Variants in PROM1 observed in about 807,000 individuals in gnomAD.
PROM1 encodes prominin 1, also known as prominin-1.
PROM1 carries 105 observed loss-of-function variants against 116.9 expected under a neutral mutation model. The ratio of observed to expected loss-of-function variants is 0.90; its 90% CI spans 0.77 to 1.06. The LOEUF is 1.06. Ranked by LOEUF, PROM1 falls within the 50% of genes least tolerant of loss-of-function variation. PROM1 has a pLI of 0.00. For synonymous variants in PROM1, 393 were observed against 387.0 expected, an observed-to-expected ratio of 1.02 and a Z score of -0.18; for missense variants, 1,122 against 1,045.2, an observed-to-expected ratio of 1.07 and a Z score of -1.01.
rs555569856 is a variant in PROM1, at chr4:16,062,550, T to A, written c.220+13137A>T. Among the ~76,000 whole-genome samples, 5 of 152,312 alleles carry A rather than the reference T, an allele frequency of 3.3e-5. No individual in the cohort carries two copies. The South Asian group carries it at 1.0e-3, about 32-fold the overall frequency. On this transcript the variant is annotated intron_variant, in intron 2 of 27. Coordinates refer to ENST00000447510, the MANE Select transcript of PROM1 (RefSeq NM_006017.3). Reference sequence around the variant, plus strand: ...TCATTTGAATGAAATTACATGTGAGTAAATTTTAAAAGTCTGGGGAGACAA... The same window carrying A: ...TCATTTGAATGAAATTACATGTGAGAAAATTTTAAAAGTCTGGGGAGACAA...
intron 3 of PROM1, among the ~76,000 whole-genome samples, chr4:16,038,668 TG>T (rs557634926): frequency 6.8e-4 from 103 of 152,370 alleles, no homozygotes; most frequent in African/African-American, 2.2e-3. Context: ...ACCAAAGTGC[TG>T]GGATTACAGG....
intron 26 of PROM1, among the ~76,000 whole-genome samples, chr4:15,974,987 G>GTCATC (rs1715741875): frequency 1.3e-5 from 2 of 152,300 alleles, no homozygotes; most frequent in African/African-American, 2.4e-5. Context: ...CCCAGTTGGT[G>GTCATC]TCATCAATGG....
Position 16,034,322 on chromosome 4 carries a change from C to T in PROM1, c.304-813G>A, listed in dbSNP as rs190450601. ...GTCACAAGGTTCCTCCTCTGATACA[C>T]TGGAAATAATAATACGTACCTTGTC... On this transcript the variant is annotated intron_variant, in intron 4 of 27. Transcript: ENST00000447510. 1.6e-3 allele frequency among the ~76,000 whole-genome samples: 238 copies of T among 152,244 alleles called. 1 individual carries two copies. The highest frequency in any genetic ancestry group is 4.5e-3 in the Admixed American group (69 of 15,284).
chr4:16,005,495 GGTGTGTGTGTGTGTGTGTGT>G (rs3221933), intron 13 of PROM1, among the ~76,000 whole-genome samples: 50 of 145,800 alleles, frequency 3.4e-4, no homozygotes, highest in African/African-American at 9.3e-4. Flanking sequence ...TTGTTTGTTT[GGTGTGTGTGTGTGTGTGTGT>G]GTGTGTGTGT....
chr4:15,990,303 GTCT>G (rs1420805784), intron 18 of PROM1, among the ~76,000 whole-genome samples: 1 of 152,162 alleles, frequency 6.6e-6, no homozygotes, highest in Admixed American at 6.5e-5. Context: ...TTAGACCCAG[GTCT>G]TCTTCAAGAG....
intron 1 of PROM1, among the ~76,000 whole-genome samples, chr4:16,078,523 CA>C (rs1744416058): frequency 6.6e-6 from 1 of 152,202 alleles, no homozygotes; most frequent in Non-Finnish European, 1.5e-5. Flanking sequence ...TGAGACTAGG[CA>C]AATCAGCACA....
At chr4:16,001,192 A>C (rs1023073742) in intron 13 of PROM1, among the ~76,000 whole-genome samples, 2 of 152,184 alleles carry the variant, frequency 1.3e-5, no homozygotes, top group Non-Finnish European at 2.9e-5. Context: ...TATAGGAGGC[A>C]GCAGGACTCG....
intron 2 of PROM1, among the ~76,000 whole-genome samples, chr4:16,064,982 G>C (rs1741186918): frequency 6.6e-6 from 1 of 152,204 alleles, no homozygotes; most frequent in Non-Finnish European, 1.5e-5. Flanking sequence ...CCCTGGTGAT[G>C]CTGATGCTGT....
chr4:15,979,812 A>G, intron 25 of PROM1, 69 bp downstream of exon 25: 1 of 1,269,764 alleles, frequency 7.9e-7, no homozygotes, highest in Non-Finnish European at 1.1e-6. Context: ...TAATTTTTAA[A>G]GTCCATTACA....
rs763710252 is a variant in PROM1 at position 16,006,585 on chromosome 4, C to A, written c.1407G>T (p.Pro469=). The change falls in exon 13 of 28, where the codon CCG becomes CCT. Residue 469 remains proline (P), a synonymous_variant. Transcript: ENST00000447510. ...TGTTGGAGACACAGCCTCGGGTGGT[C>A]GGGGTGGCATGCCTGTCATAGCCGC... ...GVCGYDRHAT[P]TTRGCVSNTG... 1 of 1,604,516 alleles carries A rather than the reference C, an allele frequency of 6.2e-7. No individual in the cohort carries two copies. The highest frequency in any genetic ancestry group is 1.1e-5 in the South Asian group (1 of 89,016).
rs56144936 is a variant in PROM1 at position 15,987,877 on chromosome 4, C to CTTT, written c.2077-164_2077-162dup. ...CAACACAATTAACAATGTGTACTTT[C>CTTT]TTTTTTTTTTTTTTTTTGAGATGGA... On this transcript the variant is annotated intron_variant, in intron 19 of 27. Coordinates refer to ENST00000447510, the MANE Select transcript of PROM1 (RefSeq NM_006017.3). Among the ~76,000 whole-genome samples, 208 of 132,366 alleles carry CTTT rather than the reference C, an allele frequency of 1.6e-3. 6 individuals carry two copies. The highest frequency in any genetic ancestry group is 3.3e-3 in the South Asian group (14 of 4,220). The allele number at this position is 132,366 out of a possible 152,430, so 86.8% of individuals were successfully genotyped here.
chr4:15,977,327 C>A (rs913144406), intron 26 of PROM1, among the ~76,000 whole-genome samples: 1 of 152,144 alleles, frequency 6.6e-6, no homozygotes, highest in Non-Finnish European at 1.5e-5. Context: ...CTAGAAGATC[C>A]GATGTTAGGG....
chr4:16,081,044 C>CAT (rs896780579), intron 1 of PROM1, among the ~76,000 whole-genome samples: 2 of 150,140 alleles, frequency 1.3e-5, no homozygotes, highest in African/African-American at 2.4e-5. Flanking sequence ...TATACATATA[C>CAT]ATATATATAT....
chr4:16,067,145 A>G (rs2149538589), intron 2 of PROM1, among the ~76,000 whole-genome samples: 1 of 152,240 alleles, frequency 6.6e-6, no homozygotes, highest in East Asian at 1.9e-4. Flanking sequence ...AATCTATACA[A>G]CAGATCTCCT....
intron 26 of PROM1, among the ~76,000 whole-genome samples, chr4:15,977,327 C>T (rs913144406): frequency 5.3e-5 from 8 of 152,262 alleles, no homozygotes; most frequent in African/African-American, 1.9e-4. Flanking sequence ...CTAGAAGATC[C>T]GATGTTAGGG....
Position 16,081,662 on chromosome 4 carries a change from A to G in PROM1, c.-213+2316T>C, listed in dbSNP as rs564318941. ...TCAGCTTCCACTGTTTTAACAAAGT[A>G]TCTTGACCCTTAACAAATCTCAGAA... is the stretch of plus-strand genomic sequence containing the variant. On this transcript the variant is annotated intron_variant, in intron 1 of 27. Coordinates refer to ENST00000447510, the MANE Select transcript of PROM1 (RefSeq NM_006017.3). 6.4e-4 allele frequency among the ~76,000 whole-genome samples: 98 copies of G among 152,342 alleles called. 1 individual carries two copies. Among genetic ancestry groups the G allele is most frequent in the African/African-American group, 2.4e-3 (98 of 41,572 alleles).
Position 16,075,859 on chromosome 4 carries a change from G to T in PROM1, c.48C>A (p.Asn16Lys). ...ATGAAGGCTGCCCTCCTGAAAAGGA[G>T]TTCCCGCACAGCCCCAGCAGCAACA... ...GSLLLLGLCGNSFSGGQPSST... is the reference protein window; with the variant it reads ...GSLLLLGLCGKSFSGGQPSST... Residue 16 changes from asparagine to lysine, a missense_variant, in exon 2 of 28, where the codon AAC becomes AAA. Asn to Lys is a moderately conservative substitution (Grantham distance 94, BLOSUM62 0). Transcript: ENST00000447510. 6.2e-7 allele frequency: 1 copy of T among 1,613,688 alleles called. No homozygotes were observed. The highest frequency in any genetic ancestry group is 1.1e-5 in the South Asian group (1 of 90,954).
Position 15,992,304 on chromosome 4 carries a change from G to C in PROM1, c.1855C>G (p.Gln619Glu). Reference protein sequence around the residue: ...LLGAAGRKNLQDFAACGIDRM... With the variant: ...LLGAAGRKNLEDFAACGIDRM... ...TCTATTCCACAAGCAGCAAAATCCT[G>C]AAGGTTTTTTCTTCCTGCTGCACCC... Residue 619 changes from glutamine (Q) to glutamate (E), a missense_variant, in exon 17 of 28, where the codon CAG (glutamine) becomes GAG (glutamate). Transcript: ENST00000447510. 6.2e-7 allele frequency: 1 copy of C among 1,613,914 alleles called. No homozygotes were observed.
At chr4:16,053,980 G>T (rs1197753744) in intron 2 of PROM1, among the ~76,000 whole-genome samples, 1 of 152,216 alleles carries the variant, frequency 6.6e-6, no homozygotes, top group Non-Finnish European at 1.5e-5. Flanking sequence ...TGTCATCCCA[G>T]TTACTTGGGA....
Sources: gnomAD v4.1 joint callset for allele counts (sites outside exome capture counted in the v4.1 genomes callset) on GRCh38, gnomAD v4.1.1 for gene constraint, MANE v1.5 for transcripts, NCBI Gene and HGNC (gene_info 2026-07-23, HGNC 2026-07-21) for gene names.